The following STARD13 variants were observed in gnomAD, a reference collection of about 807,000 sequenced individuals.
The protein encoded by STARD13 is stAR-related lipid transfer protein 13.
A neutral mutation model predicts 106.4 loss-of-function variants in STARD13; 62 were observed. The ratio of observed to expected loss-of-function variants is 0.58; its 90% CI spans 0.48 to 0.72. The LOEUF is 0.72. STARD13 is among the 30% of genes least tolerant of loss of function. STARD13 has a pLI of 0.00. For synonymous variants in STARD13, 565 were observed against 553.0 expected, an observed-to-expected ratio of 1.02 and a Z score of -0.31; for missense variants, 1,387 against 1,424.0, an observed-to-expected ratio of 0.97 and a Z score of 0.42.
chr13:33,356,246 T>C, the STARD13 span, among the ~76,000 whole-genome samples: 2 of 152,240 alleles, frequency 1.3e-5, no homozygotes, highest in South Asian at 4.1e-4. Context: ...GTCTGTTTTA[T>C]AAAGGTTGAG....
the STARD13 span, among the ~76,000 whole-genome samples, chr13:33,598,995 C>A: frequency 6.6e-6 from 1 of 152,116 alleles, no homozygotes; most frequent in East Asian, 1.9e-4. Context: ...ATGTAAGAAA[C>A]TTTTGGGAGT....
intron 1 of STARD13, among the ~76,000 whole-genome samples, chr13:33,268,464 G>A (rs751867535): frequency 1.9e-4 from 29 of 152,324 alleles, no homozygotes; most frequent in Admixed American, 7.2e-4. Context: ...TGAGCCCTGA[G>A]TAAGAGCCGG....
the STARD13 span, among the ~76,000 whole-genome samples, chr13:33,370,602 TC>T: frequency 6.8e-6 from 1 of 148,130 alleles, no homozygotes; most frequent in Non-Finnish European, 1.5e-5. Flanking sequence ...TCTTTTCTTT[TC>T]TTTCTTTCTT....
chr13:33,303,636 AAGTACCACT>A (rs1417079111), intron 1 of STARD13, among the ~76,000 whole-genome samples: 1 of 152,200 alleles, frequency 6.6e-6, no homozygotes, highest in Non-Finnish European at 1.5e-5. Flanking sequence ...ACTGGAATTT[AAGTACCACT>A]ATATTCTGGC....
the STARD13 span, among the ~76,000 whole-genome samples, chr13:33,500,151 A>G: frequency 4.3e-4 from 66 of 152,144 alleles, 1 homozygote; most frequent in Non-Finnish European, 7.2e-4. Flanking sequence ...ATACCATCAC[A>G]TTGTGGGTTG....
chr13:33,205,847 T>C, intron 1 of STARD13: 2 of 985,420 alleles, frequency 2.0e-6, no homozygotes, highest in Non-Finnish European at 2.4e-6. Flanking sequence ...TAGGCTGTGC[T>C]GTACCTTTCA....
chr13:33,445,165 A>G, the STARD13 span, among the ~76,000 whole-genome samples: 1 of 152,226 alleles, frequency 6.6e-6, no homozygotes, highest in South Asian at 2.1e-4. Flanking sequence ...AGCAGTTTCA[A>G]CACCTGCTGC....
At chr13:33,334,946 C>G (rs556791456) in intron 1 of STARD13, 1 of 151,830 alleles carries the variant, frequency 6.6e-6, no homozygotes, top group Non-Finnish European at 1.5e-5. Flanking sequence ...CTGGTAATTC[C>G]GATGCTCCGT....
chr13:33,464,801 A>G, the STARD13 span, among the ~76,000 whole-genome samples: 1 of 152,144 alleles, frequency 6.6e-6, no homozygotes, highest in Non-Finnish European at 1.5e-5. Flanking sequence ...GTGAGCTAAG[A>G]TCATGCCATG....
the STARD13 span, among the ~76,000 whole-genome samples, chr13:33,674,823 C>T: frequency 6.6e-6 from 1 of 152,108 alleles, no homozygotes; most frequent in South Asian, 2.1e-4. Context: ...TTTATTAAAA[C>T]AAGAAAAGAA....
intron 1 of STARD13, among the ~76,000 whole-genome samples, chr13:33,249,946 T>A (rs1342605065): frequency 1.3e-5 from 2 of 152,068 alleles, no homozygotes; most frequent in East Asian, 3.9e-4. Flanking sequence ...TTTGCCACCA[T>A]GCTTGCCTAA....
rs553303715 is a variant in STARD13, at chr13:33,255,906, A to C, written c.169+29564T>G. Among the ~76,000 whole-genome samples, 4 of 152,322 alleles carry C rather than the reference A, an allele frequency of 2.6e-5. No individual in the cohort carries two copies. The South Asian group carries it at 8.3e-4, about 32-fold the overall frequency. On this transcript the variant is annotated intron_variant, in intron 1 of 13. Coordinates refer to ENST00000336934, the MANE Select transcript of STARD13 (RefSeq NM_178006.4). ...AAACTGACACATATCATGATGGTCTACAGGTAGTATAAGACTCTTCATAAG... is the reference window on the plus strand; with the variant it reads ...AAACTGACACATATCATGATGGTCTCCAGGTAGTATAAGACTCTTCATAAG...
At chr13:33,186,903 T>A (rs918265647) in intron 1 of STARD13, among the ~76,000 whole-genome samples, 6 of 152,210 alleles carry the variant, frequency 3.9e-5, no homozygotes, top group Non-Finnish European at 2.9e-5. Context: ...CCCGCGTTCC[T>A]AGGCTTGCAA....
chr13:33,387,257 A>C, the STARD13 span, among the ~76,000 whole-genome samples: 1 of 152,102 alleles, frequency 6.6e-6, no homozygotes, highest in Non-Finnish European at 1.5e-5. Flanking sequence ...CTCCCACTTC[A>C]GCTCCTAAGT....
At chr13:33,616,593 C>T in the STARD13 span, among the ~76,000 whole-genome samples, 1 of 152,178 alleles carries the variant, frequency 6.6e-6, no homozygotes, top group Non-Finnish European at 1.5e-5. Flanking sequence ...TCTATGCCAT[C>T]CATGGCAAAC....
the STARD13 span, among the ~76,000 whole-genome samples, chr13:33,358,182 G>A: frequency 4.0e-5 from 6 of 151,860 alleles, no homozygotes; most frequent in Admixed American, 1.3e-4. Flanking sequence ...CCAGTGCTGC[G>A]CTCGATTTCT....
At chr13:33,609,399 G>A in the STARD13 span, among the ~76,000 whole-genome samples, 4 of 152,040 alleles carry the variant, frequency 2.6e-5, no homozygotes, top group African/African-American at 4.8e-5. Flanking sequence ...ACTTGAAACC[G>A]TCATGTCAGC....
chr13:33,265,074 G>T (rs1349400677), intron 1 of STARD13, among the ~76,000 whole-genome samples: 1 of 152,104 alleles, frequency 6.6e-6, no homozygotes, highest in Admixed American at 6.5e-5. Flanking sequence ...CCAGTTCTCC[G>T]AGGTGGCTTC....
At chr13:33,371,589 C>T in the STARD13 span, among the ~76,000 whole-genome samples, 17 of 152,172 alleles carry the variant, frequency 1.1e-4, no homozygotes, top group Admixed American at 8.5e-4. Flanking sequence ...ATAGTAAAAA[C>T]GACACTGCAC....
Sources: gnomAD v4.1 joint callset for allele counts (sites outside exome capture counted in the v4.1 genomes callset) on GRCh38, gnomAD v4.1.1 for gene constraint, MANE v1.5 for transcripts, NCBI Gene and HGNC (gene_info 2026-07-23, HGNC 2026-07-21) for gene names.